The following PI4KA variants were observed in gnomAD, a reference collection of about 807,000 sequenced individuals.
PI4KA encodes phosphatidylinositol 4-kinase alpha.
PI4KA carries 122 observed loss-of-function variants against 271.4 expected under a neutral mutation model. The ratio of observed to expected loss-of-function variants is 0.45; its 90% CI spans 0.39 to 0.52. The LOEUF is 0.52. PI4KA is among the 20% of genes least tolerant of loss of function. The pLI, the probability that PI4KA is intolerant of heterozygous loss-of-function variation, is 0.00. For synonymous variants in PI4KA, 1,041 were observed against 1,078.8 expected, an observed-to-expected ratio of 0.96 and a Z score of 0.69; for missense variants, 1,969 against 2,769.1, an observed-to-expected ratio of 0.71 and a Z score of 6.48.
intron 1 of PI4KA, among the ~76,000 whole-genome samples, chr22:20,851,055 A>G (rs898506807): frequency 3.3e-5 from 5 of 151,884 alleles, no homozygotes; most frequent in Admixed American, 1.3e-4. Context: ...AAAAAATGTA[A>G]TTTCTATTTT....
intron 29 of PI4KA, among the ~76,000 whole-genome samples, chr22:20,746,075 T>G (rs1276560028): frequency 6.9e-6 from 1 of 144,602 alleles, no homozygotes; most frequent in Non-Finnish European, 1.5e-5. Context: ...TTTTTTTTTT[T>G]TTTTTGAGAT....
intron 29 of PI4KA, among the ~76,000 whole-genome samples, 179 bp from the exon 30 acceptor site, chr22:20,744,899 A>AT (rs1929884356): frequency 6.6e-6 from 1 of 152,078 alleles, no homozygotes; most frequent in South Asian, 2.1e-4. Context: ...CAGCAGTTTG[A>AT]TATGTTCCAT....
chr22:20,713,374 T>C lies in PI4KA; in HGVS notation c.5478A>G (p.Ser1826=). The change falls in exon 48 of 55, where the codon TCA becomes TCG. Residue 1826 remains serine, a synonymous_variant. Transcript: ENST00000255882. ...ELEKEGLRCR[S]DSEDECSTQE... is the part of the protein sequence containing the mutation. ...GCGTGCTGCACTCATCCTCGGAGTCTGAGCGGCACCGCAGACCTGCCCGCA... is the reference window on the plus strand; with the variant it reads ...GCGTGCTGCACTCATCCTCGGAGTCCGAGCGGCACCGCAGACCTGCCCGCA... 1 of 1,581,698 alleles carries C rather than the reference T, an allele frequency of 6.3e-7. No homozygotes were observed. The highest frequency in any genetic ancestry group is 8.6e-7 in the Non-Finnish European group (1 of 1,162,266).
chr22:20,753,473 G>C (rs191786007), intron 23 of PI4KA, among the ~76,000 whole-genome samples: 1 of 152,116 alleles, frequency 6.6e-6, no homozygotes, highest in African/African-American at 2.4e-5. Flanking sequence ...ATCCAACCCA[G>C]GACACCAGGT....
chr22:20,831,773 T>C (rs1363681107), intron 3 of PI4KA, among the ~76,000 whole-genome samples: 1 of 152,116 alleles, frequency 6.6e-6, no homozygotes, highest in Non-Finnish European at 1.5e-5. Flanking sequence ...ATTTAGACCT[T>C]GGAGAATCTG....
chr22:20,830,139 T>C (rs1024114838), intron 3 of PI4KA, among the ~76,000 whole-genome samples: 27 of 152,220 alleles, frequency 1.8e-4, no homozygotes, highest in Admixed American at 1.5e-3. Context: ...GTTCTGTAGA[T>C]ATCTATTAGG....
At chr22:20,801,926 C>T in intron 14 of PI4KA, 47 bp downstream of exon 14, 1 of 1,598,424 alleles carries the variant, frequency 6.3e-7, no homozygotes, top group Non-Finnish European at 8.6e-7. Flanking sequence ...TAATAACCCG[C>T]TTGTCTGGAG....
chr22:20,779,972 A>C, intron 19 of PI4KA: 1 of 1,614,204 alleles, frequency 6.2e-7, no homozygotes, highest in African/African-American at 1.3e-5. Flanking sequence ...CACTGCGGTC[A>C]GTCAATGACC....
chr22:20,753,756 G>A (rs533102242), intron 23 of PI4KA, among the ~76,000 whole-genome samples: 6 of 151,694 alleles, frequency 4.0e-5, no homozygotes, highest in Admixed American at 6.6e-5. Flanking sequence ...GCGCGATCTT[G>A]GCTCACTGCA....
At chr22:20,773,707 G>A (rs190364990) in intron 19 of PI4KA, among the ~76,000 whole-genome samples, 146 of 152,330 alleles carry the variant, frequency 9.6e-4, no homozygotes, top group Non-Finnish European at 1.6e-3. Flanking sequence ...CATCAGTCCT[G>A]GAGAGCAGGT....
At chr22:20,780,147 G>A (rs765005646) in intron 19 of PI4KA, 1 of 1,614,190 alleles carries the variant, frequency 6.2e-7, no homozygotes, top group South Asian at 1.1e-5. Flanking sequence ...AGATGCTCTG[G>A]AGAATATAGA....
At chr22:20,791,644 G>A (rs1331587646) in intron 19 of PI4KA, among the ~76,000 whole-genome samples, 1 of 152,068 alleles carries the variant, frequency 6.6e-6, no homozygotes, top group African/African-American at 2.4e-5. Context: ...TGTAGTCCCA[G>A]CTACTTGGAA....
intron 30 of PI4KA, 96 bp from the exon 31 acceptor site, chr22:20,742,860 G>T: frequency 8.8e-7 from 1 of 1,133,210 alleles, no homozygotes; most frequent in South Asian, 1.3e-5. Flanking sequence ...TGGCACTGGT[G>T]GGTGCCTCGC....
chr22:20,825,943 C>T (rs1041767183), intron 3 of PI4KA, among the ~76,000 whole-genome samples: 4 of 152,124 alleles, frequency 2.6e-5, no homozygotes, highest in Non-Finnish European at 5.9e-5. Context: ...CATATGTACT[C>T]GAAGTTTAGC....
intron 32 of PI4KA, among the ~76,000 whole-genome samples, chr22:20,740,984 G>A (rs528631323): frequency 2.0e-5 from 3 of 152,340 alleles, no homozygotes; most frequent in East Asian, 1.9e-4. Context: ...CAGGAAGACT[G>A]TAAAAGTGTG....
chr22:20,774,708 C>T (rs916525549), intron 19 of PI4KA, among the ~76,000 whole-genome samples: 11 of 146,908 alleles, frequency 7.5e-5, no homozygotes, highest in African/African-American at 2.0e-4. Flanking sequence ...TTGCAGTGAG[C>T]GGAGATCGTG....
rs758611366 is a variant in PI4KA, at chr22:20,805,066, C to T, written c.1268G>A (p.Arg423Gln). 16 of 1,613,902 alleles carry T rather than the reference C, an allele frequency of 9.9e-6. No homozygotes were observed. Among genetic ancestry groups the T allele is most frequent in the South Asian group, 3.3e-5 (3 of 91,074 alleles). ...ELQKILHDAD[R>Q]IHNELSPLKL... ...GAGGGGGCTCAGCTCATTGTGGATC[C>T]GGTCTGCGTCATGTAGAATCTTCTG... Residue 423 changes from arginine (R) to glutamine (Q), a missense_variant, in exon 11 of 55, where the codon CGG becomes CAG. Transcript: ENST00000255882.
Position 20,761,378 on chromosome 22 carries a change from C to T in PI4KA, c.2717G>A (p.Arg906His), listed in dbSNP as rs765835463. 3.2e-5 allele frequency: 52 copies of T among 1,608,460 alleles called. No individual in the cohort carries two copies. Among genetic ancestry groups the T allele is most frequent in the Admixed American group, 8.3e-5 (5 of 59,970 alleles). The change falls in exon 23 of 55, where the codon CGT (arginine) becomes CAT (histidine). Residue 906 changes from arginine to histidine, a missense_variant. Coordinates refer to ENST00000255882, the MANE Select transcript of PI4KA (RefSeq NM_058004.4). ...CTGGAAGCGATCAGGATCTGTTGAACGCAGTACCCTAAGAAGAAAACAGCT... is the reference window on the plus strand; with the variant it reads ...CTGGAAGCGATCAGGATCTGTTGAATGCAGTACCCTAAGAAGAAAACAGCT... ...VYRLEYMRVL[R>H]STDPDRFQVM...
chr22:20,809,814 T>C (rs1935892741), intron 9 of PI4KA, among the ~76,000 whole-genome samples: 1 of 152,168 alleles, frequency 6.6e-6, no homozygotes, highest in Admixed American at 6.5e-5. Context: ...ACTCTGTTAC[T>C]TAACCAAGAA....
Sources: allele counts gnomAD v4.1 joint callset (sites outside exome capture counted in the v4.1 genomes callset), GRCh38; gene constraint gnomAD v4.1.1; transcripts MANE v1.5; gene names NCBI Gene and HGNC (gene_info 2026-07-23, HGNC 2026-07-21).